CYTH1: variants seen among roughly 807,000 people sequenced by gnomAD.
The protein encoded by CYTH1 is cytohesin 1.
CYTH1 carries 18 observed loss-of-function variants against 61.8 expected under a neutral mutation model. The ratio of observed to expected loss-of-function variants is 0.29; its 90% CI spans 0.20 to 0.43. The LOEUF is 0.43. Ranked by LOEUF, CYTH1 falls within the 20% of genes least tolerant of loss-of-function variation. The probability of loss-of-function intolerance (pLI) is 1.00; values close to 1 mark genes in which losing one functional copy is unlikely to be tolerated. For missense variants in CYTH1, 336 were observed against 510.5 expected (o/e 0.66, Z 3.29); for synonymous variants, 174 against 184.3 (o/e 0.94, Z 0.45).
intron 1 of CYTH1, among the ~76,000 whole-genome samples, chr17:78,745,322 G>A (rs945474217): frequency 1.1e-4 from 16 of 152,160 alleles, no homozygotes; most frequent in Non-Finnish European, 2.4e-4. Context: ...ACTTTGGAAA[G>A]TATTAATTTG....
At chr17:78,701,951 C>T (rs1236865454) in intron 5 of CYTH1, among the ~76,000 whole-genome samples, 171 bp downstream of exon 5, 2 of 152,198 alleles carry the variant, frequency 1.3e-5, no homozygotes, top group African/African-American at 4.8e-5. Flanking sequence ...CCATGACCCC[C>T]AGAAAAGACC....
At chr17:78,754,431 C>T (rs1012738934) in intron 1 of CYTH1, among the ~76,000 whole-genome samples, 3 of 151,902 alleles carry the variant, frequency 2.0e-5, no homozygotes, top group African/African-American at 7.3e-5. Context: ...GCAGCCTCAA[C>T]CTCCCTGGTT....
intron 11 of CYTH1, among the ~76,000 whole-genome samples, chr17:78,690,997 G>A (rs1293082710): frequency 2.6e-5 from 4 of 152,164 alleles, no homozygotes; most frequent in African/African-American, 9.7e-5. Context: ...AGGGCAGAAG[G>A]GTGAACAAAA....
At chr17:78,751,937 T>A (rs565634412) in intron 1 of CYTH1, among the ~76,000 whole-genome samples, 47 of 152,192 alleles carry the variant, frequency 3.1e-4, no homozygotes, top group Non-Finnish European at 6.0e-4. Flanking sequence ...GGTTTCACCA[T>A]GTTGGCCAGG....
intron 1 of CYTH1, among the ~76,000 whole-genome samples, chr17:78,776,136 C>T (rs1047832760): frequency 2.6e-5 from 4 of 152,086 alleles, no homozygotes; most frequent in South Asian, 2.1e-4. Context: ...GCCTGGGAAA[C>T]AGAGTAAAAC....
At chr17:78,736,604 A>G in intron 1 of CYTH1, 1 of 227,208 alleles carries the variant, frequency 4.4e-6, no homozygotes, top group South Asian at 4.4e-5. Context: ...ACAGGATTTC[A>G]CATACTAATG....
At chr17:78,710,539 C>A (rs899808146) in intron 1 of CYTH1, among the ~76,000 whole-genome samples, 1 of 152,162 alleles carries the variant, frequency 6.6e-6, no homozygotes, top group Non-Finnish European at 1.5e-5. Context: ...GCCATGTGGG[C>A]AAATGAGAAG....
chr17:78,764,382 C>T (rs1484713339), intron 1 of CYTH1, among the ~76,000 whole-genome samples: 1 of 151,662 alleles, frequency 6.6e-6, no homozygotes, highest in Non-Finnish European at 1.5e-5. Flanking sequence ...AGGATGGTCT[C>T]TATCTCTTGA....
Position 78,754,998 on chromosome 17 carries a change from T to C in CYTH1, c.22+27204A>G, listed in dbSNP as rs1357888824. Among the ~76,000 whole-genome samples, 3 of 152,030 alleles carry C rather than the reference T, an allele frequency of 2.0e-5. No homozygotes were observed. In the East Asian group the frequency reaches 5.8e-4, roughly 29 times the overall value. On this transcript the variant is annotated intron_variant, in intron 1 of 13. Transcript: ENST00000446868. ...AGTGAAAACATATCCACATAATGAC[T>C]CATACATGAATGTTCCCAGCAGTTT...
chr17:78,740,007 C>T (rs1269173587), intron 1 of CYTH1, among the ~76,000 whole-genome samples: 2 of 152,194 alleles, frequency 1.3e-5, no homozygotes, highest in East Asian at 3.8e-4. Context: ...GCGATCTCGG[C>T]TCACTGCAAC....
In CYTH1 at chr17:78,714,872, GA is replaced by G. The variant is rs141113308; in HGVS notation, c.23-5141del. Among the ~76,000 whole-genome samples, 839 of 145,708 alleles carry G rather than the reference GA, an allele frequency of 5.8e-3. 3 individuals are homozygous for G. Among genetic ancestry groups the G allele is most frequent in the Admixed American group, 7.7e-3 (113 of 14,654 alleles). Reference sequence around the variant, plus strand: ...GAGATAATTAGGGGGAAAAAAGAAAGAAAAAAAAAACCTTTAAAAGAACAGA... The same window carrying G: ...GAGATAATTAGGGGGAAAAAAGAAAGAAAAAAAAACCTTTAAAAGAACAGA... On this transcript the variant is annotated intron_variant, in intron 1 of 13. Transcript: ENST00000446868.
At chr17:78,763,374 A>G (rs1017874529) in intron 1 of CYTH1, among the ~76,000 whole-genome samples, 1 of 152,106 alleles carries the variant, frequency 6.6e-6, no homozygotes, top group Non-Finnish European at 1.5e-5. Flanking sequence ...AAACACCTTA[A>G]TACTTCCTAG....
At chr17:78,683,063 TTTTC>T (rs2092779608) in intron 11 of CYTH1, among the ~76,000 whole-genome samples, 1 of 152,252 alleles carries the variant, frequency 6.6e-6, no homozygotes, top group Non-Finnish European at 1.5e-5. Context: ...TTCTGGGAGA[TTTTC>T]TTAATGCTTT....
intron 1 of CYTH1, among the ~76,000 whole-genome samples, chr17:78,765,226 A>G (rs2093443810): frequency 6.6e-6 from 1 of 152,162 alleles, no homozygotes; most frequent in African/African-American, 2.4e-5. Flanking sequence ...TCCCTGAGGC[A>G]TCAGTAGACT....
At chr17:78,773,457 C>T (rs1262936615) in intron 1 of CYTH1, among the ~76,000 whole-genome samples, 4 of 151,988 alleles carry the variant, frequency 2.6e-5, no homozygotes, top group Non-Finnish European at 4.4e-5. Context: ...TGGTGAAACC[C>T]CATCTCTACT....
intron 1 of CYTH1, among the ~76,000 whole-genome samples, chr17:78,730,255 G>A (rs561138180): frequency 6.6e-6 from 1 of 151,586 alleles, no homozygotes; most frequent in Admixed American, 6.6e-5. Flanking sequence ...GCCGGGCGCG[G>A]TGTCTCACGC....
chr17:78,682,973 C>T (rs1190033412), intron 11 of CYTH1, among the ~76,000 whole-genome samples: 3 of 152,202 alleles, frequency 2.0e-5, no homozygotes, highest in Non-Finnish European at 2.9e-5. Flanking sequence ...TTCTCTGGAA[C>T]ATGCTAGACC....
At position 78,675,661 on chromosome 17, in the gene CYTH1, G is replaced by A; in HGVS notation, c.*430C>T. ...AAAAAAAAATAGATCTTTATAGTAT[G>A]TGGCTTCTCTTCCTTTCCACCTTTT... On this transcript the variant is annotated 3_prime_UTR_variant, in exon 14 of 14. Transcript: ENST00000446868. 1 of 390,770 alleles carries A rather than the reference G, an allele frequency of 2.6e-6. No homozygotes were observed. The highest frequency in any genetic ancestry group is 4.5e-6 in the Non-Finnish European group (1 of 221,274). The allele number at this position is 390,770 out of a possible 1,614,324, so 24.2% of individuals were successfully genotyped here.
intron 11 of CYTH1, among the ~76,000 whole-genome samples, chr17:78,687,698 A>T (rs887304724): frequency 6.6e-6 from 1 of 152,216 alleles, no homozygotes; most frequent in Non-Finnish European, 1.5e-5. Context: ...CTGTAATTCC[A>T]GTTTGGCTTT....
Sources: allele counts gnomAD v4.1 joint callset (sites outside exome capture counted in the v4.1 genomes callset), GRCh38; gene constraint gnomAD v4.1.1; transcripts MANE v1.5; gene names NCBI Gene and HGNC (gene_info 2026-07-23, HGNC 2026-07-21).